Variants in GRIK4 observed in about 807,000 individuals in gnomAD.
GRIK4 encodes the protein glutamate receptor ionotropic, kainate 4.
In GRIK4, 40 loss-of-function variants were observed where a neutral mutation model predicts 104.9. The ratio of observed to expected loss-of-function variants is 0.38; its 90% confidence interval spans 0.30 to 0.50. GRIK4 has a LOEUF of 0.50. Among genes scored for constraint, GRIK4 ranks in the 20% least tolerant of loss-of-function variants. The pLI is 0.93. For missense variants in GRIK4, 1,047 were observed against 1,308.1 expected, an observed-to-expected ratio of 0.80 and a Z score of 3.08; for synonymous variants, 485 against 524.9, an observed-to-expected ratio of 0.92 and a Z score of 1.04.
At chr11:120,780,496 GT>G (rs895415578) in intron 3 of GRIK4, among the ~76,000 whole-genome samples, 85 of 152,250 alleles carry the variant, frequency 5.6e-4, no homozygotes, top group African/African-American at 2.0e-3. Flanking sequence ...ATATTCCGTT[GT>G]ATGTATGTAT....
chr11:120,960,882 A>G (rs1161208163), intron 16 of GRIK4, 27 bp from the exon 17 acceptor site: 1 of 1,601,228 alleles, frequency 6.2e-7, no homozygotes, highest in Admixed American at 1.7e-5. Flanking sequence ...CCGGGCAATG[A>G]TGACTTCCTC....
intron 1 of GRIK4, among the ~76,000 whole-genome samples, chr11:120,579,233 C>CG (rs1471391898): frequency 2.4e-4 from 37 of 152,126 alleles, no homozygotes; most frequent in South Asian, 8.3e-4. Context: ...TAACCCCCCC[C>CG]CCTTTTTTTG....
chr11:120,837,676 G>T (rs1314291095), intron 8 of GRIK4, among the ~76,000 whole-genome samples: 1 of 145,006 alleles, frequency 6.9e-6, no homozygotes, highest in African/African-American at 2.5e-5. Flanking sequence ...AGATGAACTT[G>T]TTTCCTTTTT....
intron 8 of GRIK4, among the ~76,000 whole-genome samples, chr11:120,856,902 TG>T (rs1165330628): frequency 6.6e-6 from 1 of 152,210 alleles, no homozygotes; most frequent in Non-Finnish European, 1.5e-5. Flanking sequence ...GGGACTTGCC[TG>T]CTTAGCCCAG....
Position 120,681,440 on chromosome 11 carries a change from C to T in GRIK4, c.82+21040C>T, listed in dbSNP as rs12420365. 3.8e-3 allele frequency among the ~76,000 whole-genome samples: 582 copies of T among 152,292 alleles called. 11 individuals are homozygous for T. The highest frequency in any genetic ancestry group is 0.031 in the Admixed American group (477 of 15,304). ...TCTCTCGAGGCTGCAACAGGTGCTGCGCCTTTAGCCTCCCTCCTGTCCTTC... is the reference window on the plus strand; with the variant it reads ...TCTCTCGAGGCTGCAACAGGTGCTGTGCCTTTAGCCTCCCTCCTGTCCTTC... On this transcript the variant is annotated intron_variant, in intron 3 of 20. Transcript: ENST00000527524.
chr11:120,728,908 T>C (rs2135388039), intron 3 of GRIK4, among the ~76,000 whole-genome samples: 1 of 152,272 alleles, frequency 6.6e-6, no homozygotes, highest in South Asian at 2.1e-4. Context: ...TTCTCCCCAC[T>C]TCCCCACTAC....
chr11:120,768,910 A>G (rs1344895614), intron 3 of GRIK4, among the ~76,000 whole-genome samples: 3 of 152,196 alleles, frequency 2.0e-5, no homozygotes, highest in African/African-American at 7.2e-5. Flanking sequence ...ATGATATATA[A>G]TCTGATTAAT....
chr11:120,896,832 C>T (rs531724613), intron 11 of GRIK4, among the ~76,000 whole-genome samples: 1 of 152,336 alleles, frequency 6.6e-6, no homozygotes, highest in Non-Finnish European at 1.5e-5. Flanking sequence ...AGGGAAGCTG[C>T]TGCTACTGCC....
intron 13 of GRIK4, among the ~76,000 whole-genome samples, chr11:120,934,863 C>T (rs754437965): frequency 4.6e-5 from 7 of 152,156 alleles, no homozygotes; most frequent in Non-Finnish European, 7.4e-5. Context: ...TTTCTTTCTC[C>T]GGAGACCTAC....
At chr11:120,684,535 C>T (rs1281952885) in intron 3 of GRIK4, among the ~76,000 whole-genome samples, 1 of 152,116 alleles carries the variant, frequency 6.6e-6, no homozygotes, top group African/African-American at 2.4e-5. Flanking sequence ...AGTGCAAGAC[C>T]GTTTAGTTAC....
Position 120,902,330 on chromosome 11 carries a change from C to T in GRIK4, c.1273-2960C>T, listed in dbSNP as rs1187791455. Among the ~76,000 whole-genome samples, 1 of 152,190 alleles carries T rather than the reference C, an allele frequency of 6.6e-6. No homozygotes were observed. The highest frequency in any genetic ancestry group is 1.5e-5 in the Non-Finnish European group (1 of 68,042). On this transcript the variant is annotated intron_variant, in intron 12 of 20. Transcript: ENST00000527524. The surrounding 1 kb of genome is among the most constrained non-coding windows in gnomAD (Gnocchi z 4.5). ...GGCTAGCACTCAACACCCCAGCATT[C>T]TCCAAGGTGCCAGTGAGCCCTAACC...
intron 8 of GRIK4, among the ~76,000 whole-genome samples, chr11:120,848,000 G>A (rs1471545048): frequency 6.6e-6 from 1 of 152,208 alleles, no homozygotes. Context: ...GCCTTGGTTC[G>A]CTTCCAGTGC....
Position 120,815,400 on chromosome 11 carries a change from G to A in GRIK4, c.270G>A (p.Gly90=), listed in dbSNP as rs1952926982. 3 of 1,549,912 alleles carry A rather than the reference G, an allele frequency of 1.9e-6. No individual in the cohort carries two copies. The highest frequency in any genetic ancestry group is 2.6e-6 in the Non-Finnish European group (3 of 1,145,452). The stretch of plus-strand genomic sequence containing the variant: ...CAGTGTGTCAGATCCTCCCCAAGGG[G>A]GTGGTCGCTGTCCTCGGACCATCGT... ...AETMCQILPK[G]VVAVLGPSSS... is the part of the protein sequence containing the mutation. Residue 90 remains glycine, a synonymous_variant, in exon 5 of 21, where the codon GGG becomes GGA. Transcript: ENST00000527524.
At chr11:120,740,510 A>G (rs1951309498) in intron 3 of GRIK4, among the ~76,000 whole-genome samples, 2 of 152,168 alleles carry the variant, frequency 1.3e-5, no homozygotes, top group African/African-American at 4.8e-5. Context: ...TCTGAGCATC[A>G]TGCCTCATCA....
At chr11:120,576,871 T>A (rs1948492267) in intron 1 of GRIK4, among the ~76,000 whole-genome samples, 1 of 152,172 alleles carries the variant, frequency 6.6e-6, no homozygotes. Flanking sequence ...CTGGGTGACC[T>A]CCAGCCTTCT....
intron 4 of GRIK4, among the ~76,000 whole-genome samples, chr11:120,808,957 C>T (rs887580898): frequency 2.6e-5 from 4 of 152,152 alleles, no homozygotes; most frequent in Non-Finnish European, 5.9e-5. Flanking sequence ...AGCAGCTCCT[C>T]ACTGTCAGGC....
chr11:120,676,464 C>T (rs568269814), intron 3 of GRIK4, among the ~76,000 whole-genome samples: 6 of 152,302 alleles, frequency 3.9e-5, no homozygotes, highest in African/African-American at 7.2e-5. Flanking sequence ...AGCTCCAGGG[C>T]GTGGCCCTGG....
chr11:120,774,507 T>G (rs888189269), intron 3 of GRIK4, among the ~76,000 whole-genome samples: 1 of 152,190 alleles, frequency 6.6e-6, no homozygotes, highest in Non-Finnish European at 1.5e-5. Flanking sequence ...ATTCCCTTTT[T>G]GGGGGGACCT....
At chr11:120,829,478 G>T (rs900355572) in intron 6 of GRIK4, among the ~76,000 whole-genome samples, 5 of 152,164 alleles carry the variant, frequency 3.3e-5, no homozygotes, top group Non-Finnish European at 7.3e-5. Context: ...ACTCCTGAGG[G>T]CAGGGACTGT....
Sources: gnomAD v4.1 joint callset for allele counts (sites outside exome capture counted in the v4.1 genomes callset) on GRCh38, gnomAD v4.1.1 for gene constraint, Gnocchi (gnomAD v3.1) non-coding constraint, MANE v1.5 for transcripts, NCBI Gene and HGNC (gene_info 2026-07-23, HGNC 2026-07-21) for gene names.